Variants in CTNNA3 observed in about 807,000 individuals in gnomAD.
CTNNA3 encodes catenin alpha 3.
CTNNA3 carries 76 observed loss-of-function variants against 95.7 expected under a neutral mutation model. The observed-to-expected ratio is 0.79, with a 90% CI of 0.66 to 0.96. The LOEUF is 0.96. Among genes scored for constraint, CTNNA3 ranks in the 40% least tolerant of loss-of-function variants. The pLI, the probability that CTNNA3 is intolerant of heterozygous loss-of-function variation, is 0.00. For synonymous variants in CTNNA3, 431 were observed against 374.4 expected (o/e 1.15, Z -1.74); for missense variants, 1,191 against 1,089.8 (o/e 1.09, Z -1.31).
At chr10:66,387,915 G>A (rs2092906223) in intron 11 of CTNNA3, among the ~76,000 whole-genome samples, 1 of 152,050 alleles carries the variant, frequency 6.6e-6, no homozygotes, top group Non-Finnish European at 1.5e-5. Flanking sequence ...TGGACACAGG[G>A]TGGGGAACAT....
intron 13 of CTNNA3, among the ~76,000 whole-genome samples, chr10:66,237,553 G>C (rs970929216): frequency 7.9e-6 from 1 of 126,540 alleles, no homozygotes; most frequent in Non-Finnish European, 1.7e-5. Context: ...GTACATAATA[G>C]AGTTTTGTGA....
intron 9 of CTNNA3, among the ~76,000 whole-genome samples, chr10:66,671,064 G>A (rs559198289): frequency 9.2e-5 from 14 of 152,222 alleles, no homozygotes; most frequent in African/African-American, 2.9e-4. Flanking sequence ...AAGGAGAGAG[G>A]ATATTATTTG....
At chr10:67,027,426 T>C (rs1293487284) in intron 7 of CTNNA3, among the ~76,000 whole-genome samples, 2 of 149,554 alleles carry the variant, frequency 1.3e-5, no homozygotes, top group Non-Finnish European at 3.0e-5. Context: ...GCCTTTTTTT[T>C]CTTTCATGAC....
intron 9 of CTNNA3, among the ~76,000 whole-genome samples, chr10:66,666,903 A>G (rs895086794): frequency 4.6e-5 from 7 of 152,088 alleles, no homozygotes; most frequent in Non-Finnish European, 8.8e-5. Flanking sequence ...TTCAAATTTC[A>G]TTGGGGAAGT....
intron 11 of CTNNA3, among the ~76,000 whole-genome samples, chr10:66,399,593 A>T (rs1019642360): frequency 4.0e-5 from 6 of 151,748 alleles, no homozygotes; most frequent in African/African-American, 1.5e-4. Flanking sequence ...TCTCACACTT[A>T]CTCTGTCATC....
chr10:67,738,166 C>T (rs1430062004), intron 1 of CTNNA3, among the ~76,000 whole-genome samples: 1 of 152,114 alleles, frequency 6.6e-6, no homozygotes, highest in Non-Finnish European at 1.5e-5. Context: ...CAACACAACA[C>T]CAGGAGGGGC....
In CTNNA3 at chr10:67,372,899, TA is replaced by T. The variant is rs555895357; in HGVS notation, c.579+148942del. Among the ~76,000 whole-genome samples the T allele has an allele frequency of 9.2e-4, 140 of 152,174 alleles. 1 individual carries two copies. The highest frequency in any genetic ancestry group is 3.1e-3 in the African/African-American group (130 of 41,500). ...CTAAGCTTCATAAGTGAAGGAGAAATAAAATACTTTATAGACAAGCAAATGC... is the reference window on the plus strand; with the variant it reads ...CTAAGCTTCATAAGTGAAGGAGAAATAAATACTTTATAGACAAGCAAATGC... On this transcript the variant is annotated intron_variant, in intron 5 of 17. Transcript: ENST00000433211.
intron 5 of CTNNA3, among the ~76,000 whole-genome samples, chr10:67,339,722 A>G (rs1842111729): frequency 6.6e-6 from 1 of 152,194 alleles, no homozygotes; most frequent in African/African-American, 2.4e-5. Flanking sequence ...CTTATGTTGA[A>G]ATAGCTGTTA....
chr10:67,026,662 A>G (rs1385290464), intron 7 of CTNNA3, among the ~76,000 whole-genome samples: 2 of 152,192 alleles, frequency 1.3e-5, no homozygotes, highest in East Asian at 3.9e-4. Context: ...GGAGGAAACC[A>G]ATTTCTTCAT....
At chr10:66,813,807 G>C (rs1841972446) in intron 7 of CTNNA3, among the ~76,000 whole-genome samples, 1 of 151,064 alleles carries the variant, frequency 6.6e-6, no homozygotes, top group Admixed American at 6.6e-5. Flanking sequence ...ATTTGCCTTA[G>C]AGAAAGACTA....
chr10:66,380,633 A>C lies in CTNNA3; in HGVS notation c.1532-1281T>G, dbSNP rs201710776. On this transcript the variant is annotated intron_variant, in intron 11 of 17. Coordinates refer to ENST00000433211, the MANE Select transcript of CTNNA3 (RefSeq NM_013266.4). The stretch of plus-strand genomic sequence containing the variant: ...TCTATCTATCTATCTATCTATATAT[A>C]TATATATATTAAATTAATTATATAT... Among the ~76,000 whole-genome samples, 1,130 of 106,992 alleles carry C rather than the reference A, an allele frequency of 0.011. 22 individuals are homozygous for C. In the East Asian group the frequency reaches 0.14, roughly 13 times the overall value. The allele number at this position is 106,992 out of a possible 152,430, so 70.2% of individuals were successfully genotyped here.
intron 1 of CTNNA3, among the ~76,000 whole-genome samples, chr10:67,703,012 A>G (rs1564836591): frequency 6.6e-6 from 1 of 152,222 alleles, no homozygotes; most frequent in African/African-American, 2.4e-5. Context: ...ACGCAAATAA[A>G]CTAGAAAATC....
intron 7 of CTNNA3, among the ~76,000 whole-genome samples, chr10:66,886,437 A>G (rs1845047362): frequency 6.6e-6 from 1 of 152,078 alleles, no homozygotes; most frequent in Non-Finnish European, 1.5e-5. Flanking sequence ...CATCCCTGAT[A>G]CTGGGACCCT....
chr10:66,278,036 T>C (rs751713630), intron 13 of CTNNA3, among the ~76,000 whole-genome samples: 51 of 151,324 alleles, frequency 3.4e-4, no homozygotes, highest in Non-Finnish European at 6.3e-4. Context: ...ACATTTCATG[T>C]TTCTGATTGA....
chr10:67,746,028 A>G (rs181231587), intron 1 of CTNNA3, among the ~76,000 whole-genome samples: 2 of 152,324 alleles, frequency 1.3e-5, no homozygotes, highest in African/African-American at 4.8e-5. Flanking sequence ...CAATGCAACC[A>G]CTATCGAAAT....
chr10:67,000,258 A>G (rs1851601329), intron 7 of CTNNA3, among the ~76,000 whole-genome samples: 2 of 152,204 alleles, frequency 1.3e-5, no homozygotes, highest in Admixed American at 1.3e-4. Flanking sequence ...AACCATTTGG[A>G]ATAGATTTCT....
In CTNNA3 at chr10:66,570,805, C is replaced by T. The variant is rs189179142; in HGVS notation, c.1375-50032G>A. On this transcript the variant is annotated intron_variant, in intron 10 of 17. Transcript: ENST00000433211. ...AAACTGATGAGACATATCCTTTATCCTCTGAAAGAAAGAAGAAAAAAACAA... is the reference window on the plus strand; with the variant it reads ...AAACTGATGAGACATATCCTTTATCTTCTGAAAGAAAGAAGAAAAAAACAA... 2.4e-3 allele frequency among the ~76,000 whole-genome samples: 359 copies of T among 151,958 alleles called. 2 individuals carry two copies. The highest frequency in any genetic ancestry group is 8.0e-3 in the African/African-American group (330 of 41,426).
intron 13 of CTNNA3, among the ~76,000 whole-genome samples, chr10:66,144,412 T>G (rs2083769697): frequency 1.3e-5 from 2 of 152,208 alleles, no homozygotes; most frequent in Admixed American, 1.3e-4. Flanking sequence ...TGTTAGGAAT[T>G]TAATTAATAA....
intron 5 of CTNNA3, among the ~76,000 whole-genome samples, chr10:67,227,486 G>A (rs1026059591): frequency 1.3e-5 from 2 of 152,152 alleles, no homozygotes; most frequent in African/African-American, 4.8e-5. Context: ...AAAAGGCCTT[G>A]TCCAACAGGA....
Sources: gnomAD v4.1 joint callset for allele counts (sites outside exome capture counted in the v4.1 genomes callset) on GRCh38, gnomAD v4.1.1 for gene constraint, MANE v1.5 for transcripts, NCBI Gene and HGNC (gene_info 2026-07-23, HGNC 2026-07-21) for gene names.